Variants in ST6GAL1 observed in about 807,000 individuals in gnomAD.
The protein encoded by ST6GAL1 is ST6 beta-galactoside alpha-2,6-sialyltransferase 1.
A neutral mutation model predicts 38.0 loss-of-function variants in ST6GAL1; 20 were observed. The observed-to-expected ratio is 0.53, with a 90% CI of 0.37 to 0.77. The LOEUF (loss-of-function observed/expected upper bound fraction) is 0.77. Ranked by LOEUF, ST6GAL1 falls within the 30% of genes least tolerant of loss-of-function variation. The pLI is 0.00. For synonymous variants in ST6GAL1, 196 were observed against 188.2 expected (o/e 1.04, Z -0.34); for missense variants, 432 against 496.4 (o/e 0.87, Z 1.23).
At chr3:186,954,096 C>T (rs1714670311) in intron 1 of ST6GAL1, among the ~76,000 whole-genome samples, 3 of 152,132 alleles carry the variant, frequency 2.0e-5, no homozygotes, top group African/African-American at 7.2e-5. Flanking sequence ...ATTTTCTCTT[C>T]CTGTGTTAGT....
chr3:186,967,741 C>T (rs1281037784), intron 2 of ST6GAL1, among the ~76,000 whole-genome samples: 1 of 152,190 alleles, frequency 6.6e-6, no homozygotes, highest in African/African-American at 2.4e-5. Flanking sequence ...GATCGTTAGC[C>T]ATCACGTCTT....
chr3:186,947,180 C>T (rs1004436492), intron 1 of ST6GAL1, among the ~76,000 whole-genome samples: 4 of 152,126 alleles, frequency 2.6e-5, no homozygotes, highest in South Asian at 2.1e-4. Context: ...AGATACTACA[C>T]GTAGATATCT....
rs143057483 is a variant in ST6GAL1, at chr3:187,014,248, G to A, written c.-182-24494G>A. On this transcript the variant is annotated intron_variant, in intron 2 of 7. Transcript: ENST00000169298. ...TTGCATGCTGATTAATAATAAAGCC[G>A]GGATCCAAATCTAGATTTGTCTGAC... Among the ~76,000 whole-genome samples, 380 of 152,262 alleles carry A rather than the reference G, an allele frequency of 2.5e-3. 3 individuals carry two copies. Among genetic ancestry groups the A allele is most frequent in the Middle Eastern group, 0.017 (5 of 294 alleles).
intron 2 of ST6GAL1, among the ~76,000 whole-genome samples, chr3:186,985,444 C>A: frequency 6.6e-6 from 1 of 150,842 alleles, no homozygotes; most frequent in African/African-American, 2.4e-5. Flanking sequence ...AGTGAGTAAG[C>A]GTAGAATATA....
At chr3:187,040,855 A>G (rs938981287) in intron 3 of ST6GAL1, among the ~76,000 whole-genome samples, 2 of 152,214 alleles carry the variant, frequency 1.3e-5, no homozygotes, top group South Asian at 2.1e-4. Flanking sequence ...ATAGGAGCCC[A>G]TCGTTCCCAG....
intron 1 of ST6GAL1, among the ~76,000 whole-genome samples, chr3:186,935,816 G>A (rs1236459088): frequency 1.3e-5 from 2 of 152,056 alleles, no homozygotes; most frequent in African/African-American, 4.8e-5. Flanking sequence ...TGTAAAGCAA[G>A]GCCTGCCAAA....
chr3:187,024,487 T>TAG (rs1450364989), intron 2 of ST6GAL1, among the ~76,000 whole-genome samples: 26 of 68,174 alleles, frequency 3.8e-4, no homozygotes, highest in African/African-American at 1.6e-4. Context: ...TATATATATA[T>TAG]ATATATAGAG....
intron 2 of ST6GAL1, among the ~76,000 whole-genome samples, chr3:187,028,125 A>G (rs1306032216): frequency 1.3e-5 from 2 of 152,174 alleles, no homozygotes; most frequent in African/African-American, 2.4e-5. Context: ...AAACAAGACT[A>G]TGGACTGTCT....
chr3:187,073,477 T>A (rs1022027017), intron 6 of ST6GAL1: 1 of 162,052 alleles, frequency 6.2e-6, no homozygotes, highest in African/African-American at 2.4e-5. Flanking sequence ...AAGGCGCAGA[T>A]CTGCAACAGC....
intron 1 of ST6GAL1, among the ~76,000 whole-genome samples, chr3:186,945,364 T>C (rs1480997990): frequency 6.6e-6 from 1 of 151,622 alleles, no homozygotes; most frequent in Non-Finnish European, 1.5e-5. Flanking sequence ...GCAATGGGAC[T>C]GAAGAATTTT....
intron 1 of ST6GAL1, among the ~76,000 whole-genome samples, chr3:186,954,985 T>C (rs1205067875): frequency 1.3e-5 from 2 of 152,248 alleles, no homozygotes; most frequent in African/African-American, 4.8e-5. Context: ...AAGTCTTTAA[T>C]CCATCTTGAG....
In ST6GAL1 at chr3:187,019,720, G is replaced by C. The variant is rs3755791; in HGVS notation, c.-182-19022G>C. On this transcript the variant is annotated intron_variant, in intron 2 of 7. Transcript: ENST00000169298. ...GTTTCTGGCAGCCAGGACACATGGA[G>C]CCCCTCTCGGAGGCACTATGCCACC... is the stretch of plus-strand genomic sequence containing the variant. 4.5e-3 allele frequency among the ~76,000 whole-genome samples: 688 copies of C among 152,300 alleles called. 18 individuals are homozygous for C. In the East Asian group the frequency reaches 0.069, roughly 15 times the overall value.
chr3:186,993,424 G>A (rs538372458), intron 2 of ST6GAL1, among the ~76,000 whole-genome samples: 95 of 152,266 alleles, frequency 6.2e-4, no homozygotes, highest in African/African-American at 2.2e-3. Flanking sequence ...GCGTGTTAGC[G>A]AGATGGAAGA....
intron 2 of ST6GAL1, among the ~76,000 whole-genome samples, chr3:186,977,576 C>G (rs1715561708): frequency 6.6e-6 from 1 of 152,094 alleles, no homozygotes; most frequent in Non-Finnish European, 1.5e-5. Context: ...GAAATATGAT[C>G]CTACAGAAAC....
rs1056435217 is a variant in ST6GAL1, at chr3:186,952,600, G to C, written c.-324-11185G>C. On this transcript the variant is annotated intron_variant, in intron 1 of 7. Coordinates refer to ENST00000169298, the MANE Select transcript of ST6GAL1 (RefSeq NM_173216.2). The surrounding 1 kb of genome is among the most constrained non-coding windows in gnomAD (Gnocchi z 4.1). ...GCTCACTGCAACCTCCGCCTCCCGG[G>C]TTCAAGCGCTTCTCTGTTGGCTCAT... Among the ~76,000 whole-genome samples, 1 of 152,100 alleles carries C rather than the reference G, an allele frequency of 6.6e-6. No individual in the cohort carries two copies. The highest frequency in any genetic ancestry group is 2.4e-5 in the African/African-American group (1 of 41,416).
At chr3:186,968,508 T>C (rs1715229335) in intron 2 of ST6GAL1, among the ~76,000 whole-genome samples, 1 of 152,196 alleles carries the variant, frequency 6.6e-6, no homozygotes, top group African/African-American at 2.4e-5. Flanking sequence ...TTCCGAGCTT[T>C]ATCCCTCCTT....
intron 2 of ST6GAL1, among the ~76,000 whole-genome samples, chr3:186,997,241 A>G (rs1716446526): frequency 6.6e-6 from 1 of 152,088 alleles, no homozygotes; most frequent in Admixed American, 6.5e-5. Flanking sequence ...GCACTGTCAT[A>G]CGTGTTATCT....
chr3:186,938,223 A>G (rs1714033033), intron 1 of ST6GAL1, among the ~76,000 whole-genome samples: 1 of 152,236 alleles, frequency 6.6e-6, no homozygotes, highest in Admixed American at 6.5e-5. Flanking sequence ...ATTTAGTTCA[A>G]TTACCTATAA....
chr3:187,051,261 C>A lies in ST6GAL1; in HGVS notation c.620C>A (p.Ala207Glu). 1 of 1,613,992 alleles carries A rather than the reference C, an allele frequency of 6.2e-7. No individual in the cohort carries two copies. Among genetic ancestry groups the A allele is most frequent in the Non-Finnish European group, 8.5e-7 (1 of 1,179,930 alleles). The change falls in exon 5 of 8, where the codon GCA (alanine) becomes GAA (glutamate). Residue 207 changes from alanine (A) to glutamate (E), a missense_variant. By Grantham distance (107) the Ala-to-Glu change is moderately radical (BLOSUM62 -1). Transcript: ENST00000169298. ...TTGTGGTTTATAGATGATCATGACG[C>A]AGTCCTGAGGTTTAATGGGGCACCC... is the stretch of plus-strand genomic sequence containing the variant. ...QLGREIDDHD[A>E]VLRFNGAPTA...
Sources: gnomAD v4.1 joint callset for allele counts (sites outside exome capture counted in the v4.1 genomes callset) on GRCh38, gnomAD v4.1.1 for gene constraint, Gnocchi (gnomAD v3.1) non-coding constraint, MANE v1.5 for transcripts, NCBI Gene and HGNC (gene_info 2026-07-23, HGNC 2026-07-21) for gene names.